FMN2: variants seen among roughly 807,000 people sequenced by gnomAD.
FMN2 encodes formin-2.
FMN2 carries 51 observed loss-of-function variants against 142.3 expected under a neutral mutation model. That is an observed-to-expected ratio of 0.36 (90% CI 0.29 to 0.45). FMN2 has a LOEUF of 0.45. Ranked by LOEUF, FMN2 falls within the 20% of genes least tolerant of loss-of-function variation. The pLI is 1.00. For missense variants in FMN2, 1,936 were observed against 2,122.8 expected, an observed-to-expected ratio of 0.91 and a Z score of 1.73; for synonymous variants, 882 against 869.8, an observed-to-expected ratio of 1.01 and a Z score of -0.25.
At chr1:240,148,323 CAGAG>C (rs373939604) in intron 2 of FMN2, among the ~76,000 whole-genome samples, 115 of 144,942 alleles carry the variant, frequency 7.9e-4, no homozygotes, top group Middle Eastern at 3.6e-3. Flanking sequence ...CAGACAGAAA[CAGAG>C]AGACAGACAG....
intron 14 of FMN2, among the ~76,000 whole-genome samples, chr1:240,367,592 C>A (rs900616159): frequency 5.3e-5 from 8 of 151,666 alleles, no homozygotes; most frequent in East Asian, 1.9e-4. Flanking sequence ...CACGGTGAAA[C>A]CCCATCTCTA....
chr1:240,219,782 G>A (rs1023329553), intron 6 of FMN2, among the ~76,000 whole-genome samples: 68 of 151,934 alleles, frequency 4.5e-4, no homozygotes, highest in African/African-American at 1.5e-3. Flanking sequence ...AGCCTCCCAC[G>A]TAGCTGGGAC....
chr1:240,266,039 A>T (rs1668788042), intron 7 of FMN2, among the ~76,000 whole-genome samples: 1 of 140,716 alleles, frequency 7.1e-6, no homozygotes, highest in African/African-American at 2.7e-5. Context: ...TTTTTTAATA[A>T]ATCAACTATT....
intron 15 of FMN2, among the ~76,000 whole-genome samples, chr1:240,401,785 G>C (rs1386135555): frequency 6.6e-6 from 1 of 152,180 alleles, no homozygotes; most frequent in Admixed American, 6.5e-5. Context: ...TGCTCACCAA[G>C]GTTATCATGA....
At chr1:240,227,741 C>T (rs981097251) in intron 6 of FMN2, among the ~76,000 whole-genome samples, 2 of 152,050 alleles carry the variant, frequency 1.3e-5, no homozygotes, top group African/African-American at 4.8e-5. Context: ...AACTGTATAT[C>T]CACATGCAAA....
At chr1:240,217,602 A>G (rs1488510555) in intron 6 of FMN2, among the ~76,000 whole-genome samples, 2 of 152,200 alleles carry the variant, frequency 1.3e-5, no homozygotes, top group Non-Finnish European at 2.9e-5. Flanking sequence ...ATTCAAAACT[A>G]TAATTAGACA....
intron 3 of FMN2, among the ~76,000 whole-genome samples, chr1:240,186,357 C>T (rs1169104643): frequency 6.6e-6 from 1 of 152,120 alleles, no homozygotes; most frequent in Non-Finnish European, 1.5e-5. Flanking sequence ...CTACTAAGTA[C>T]CAGGCACTAT....
At chr1:240,102,543 A>G (rs1661451318) in intron 1 of FMN2, among the ~76,000 whole-genome samples, 1 of 152,072 alleles carries the variant, frequency 6.6e-6, no homozygotes. Context: ...TCTCTGTGGG[A>G]AGTGTTACAT....
At chr1:240,450,473 A>G (rs545760445) in intron 16 of FMN2, among the ~76,000 whole-genome samples, 158 of 152,322 alleles carry the variant, frequency 1.0e-3, no homozygotes, top group African/African-American at 3.6e-3. Flanking sequence ...TTAGGTAATC[A>G]ACCTCATCTG....
At chr1:240,233,493 T>C (rs1053119165) in intron 6 of FMN2, among the ~76,000 whole-genome samples, 4 of 152,206 alleles carry the variant, frequency 2.6e-5, no homozygotes, top group African/African-American at 9.6e-5. Context: ...CTACTGAGTT[T>C]TAAATTTAAT....
At chr1:240,115,871 T>G (rs1436654706) in intron 1 of FMN2, among the ~76,000 whole-genome samples, 1 of 152,210 alleles carries the variant, frequency 6.6e-6, no homozygotes, top group East Asian at 1.9e-4. Flanking sequence ...TTTATGGCTA[T>G]TTCTTGATCA....
At chr1:240,172,924 T>TTTTTTTG (rs371890662) in intron 2 of FMN2, among the ~76,000 whole-genome samples, 197 of 151,408 alleles carry the variant, frequency 1.3e-3, no homozygotes, top group African/African-American at 4.6e-3. Flanking sequence ...CAGTGGCCCT[T>TTTTTTTG]TTTTTTGTTT....
chr1:240,141,987 A>G (rs905110007), intron 2 of FMN2, among the ~76,000 whole-genome samples: 2 of 152,148 alleles, frequency 1.3e-5, no homozygotes, highest in African/African-American at 2.4e-5. Context: ...CCATGATGCT[A>G]TGTGTGAAAA....
chr1:240,162,494 C>T (rs948464412), intron 2 of FMN2, among the ~76,000 whole-genome samples: 2 of 152,158 alleles, frequency 1.3e-5, no homozygotes, highest in East Asian at 3.9e-4. Flanking sequence ...AGTTATGAAA[C>T]GATTCACATT....
At chr1:240,100,112 T>TTC (rs1301815772) in intron 1 of FMN2, among the ~76,000 whole-genome samples, 8 of 152,180 alleles carry the variant, frequency 5.3e-5, no homozygotes, top group African/African-American at 1.4e-4. Flanking sequence ...TTGCTAACCT[T>TTC]TCTGGGCAGT....
intron 4 of FMN2, among the ~76,000 whole-genome samples, chr1:240,198,816 G>C (rs1168890140): frequency 1.3e-5 from 2 of 151,998 alleles, no homozygotes; most frequent in Non-Finnish European, 2.9e-5. Flanking sequence ...TCTTAATTTA[G>C]AACATGACAG....
intron 6 of FMN2, among the ~76,000 whole-genome samples, chr1:240,238,178 T>C (rs1184850852): frequency 2.0e-5 from 3 of 152,196 alleles, no homozygotes; most frequent in Admixed American, 2.0e-4. Context: ...CAGCTGACTG[T>C]AGTGCTTTGG....
At chr1:240,239,536 A>G (rs1170784846) in intron 6 of FMN2, among the ~76,000 whole-genome samples, 2 of 152,222 alleles carry the variant, frequency 1.3e-5, no homozygotes, top group African/African-American at 2.4e-5. Context: ...CTTATTCAGT[A>G]TGTCATTTCT....
At chr1:240,166,802 T>A (rs1161066572) in intron 2 of FMN2, among the ~76,000 whole-genome samples, 2 of 152,204 alleles carry the variant, frequency 1.3e-5, no homozygotes, top group Non-Finnish European at 2.9e-5. Context: ...TAGAGAAGAC[T>A]TCTATGAGTG....
Sources: gnomAD v4.1 joint callset for allele counts (sites outside exome capture counted in the v4.1 genomes callset) on GRCh38, gnomAD v4.1.1 for gene constraint, MANE v1.5 for transcripts, NCBI Gene and HGNC (gene_info 2026-07-23, HGNC 2026-07-21) for gene names.